The following PINX1 variants were observed in gnomAD, a reference collection of about 807,000 sequenced individuals.
PINX1 encodes PIN2 (TERF1) interacting telomerase inhibitor 1.
A neutral mutation model predicts 25.4 loss-of-function variants in PINX1; 34 were observed. The ratio of observed to expected loss-of-function variants is 1.34; its 90% CI spans 1.02 to 1.78. The LOEUF (loss-of-function observed/expected upper bound fraction) is 1.78. Among genes scored for constraint, PINX1 ranks in the 40% most tolerant of loss-of-function variants. The pLI is 0.00. For missense variants in PINX1, 592 were observed against 404.9 expected, an observed-to-expected ratio of 1.46 and a Z score of -3.97; for synonymous variants, 197 against 147.7, an observed-to-expected ratio of 1.33 and a Z score of -2.42.
chr8:10,797,146 G>A (rs903142423), intron 6 of PINX1, among the ~76,000 whole-genome samples: 3 of 152,108 alleles, frequency 2.0e-5, no homozygotes, highest in Admixed American at 6.5e-5. Flanking sequence ...AGAAGGGCCT[G>A]GTTTTTCAGC....
At chr8:10,794,245 A>C (rs983925159) in intron 6 of PINX1, among the ~76,000 whole-genome samples, 119 of 152,210 alleles carry the variant, frequency 7.8e-4, no homozygotes, top group African/African-American at 2.7e-3. Context: ...AAAATTTTAA[A>C]TTACAATTTT....
At chr8:10,784,530 T>C (rs1041127075) in intron 6 of PINX1, among the ~76,000 whole-genome samples, 1 of 152,240 alleles carries the variant, frequency 6.6e-6, no homozygotes, top group African/African-American at 2.4e-5. Context: ...TGACATGAAA[T>C]GTTCAGATTT....
chr8:10,794,668 G>A (rs371261105), intron 6 of PINX1, among the ~76,000 whole-genome samples: 9 of 152,212 alleles, frequency 5.9e-5, no homozygotes, highest in East Asian at 3.9e-4. Flanking sequence ...CTTGTGATCC[G>A]TCCGATCACG....
At position 10,826,040 on chromosome 8, in the gene PINX1, C is replaced by G. The variant is rs917921256; in HGVS notation, c.394+112G>C. 3 of 617,440 alleles carry G rather than the reference C, an allele frequency of 4.9e-6. No individual in the cohort carries two copies. The African/African-American group carries it at 5.6e-5, about 12-fold the overall frequency. The allele number at this position is 617,440 out of a possible 1,614,324, so 38.2% of individuals were successfully genotyped here. ...CAGCGCTGTTTCACAGCAATGCAGTCGGAGCTGTCCATAAAGCATGAAGTC... is the reference window on the plus strand; with the variant it reads ...CAGCGCTGTTTCACAGCAATGCAGTGGGAGCTGTCCATAAAGCATGAAGTC... On this transcript the variant is annotated intron_variant, in intron 5 of 6. Coordinates refer to ENST00000314787, the MANE Select transcript of PINX1 (RefSeq NM_017884.6).
chr8:10,771,734 A>C (rs1801229264), intron 6 of PINX1, among the ~76,000 whole-genome samples: 1 of 152,192 alleles, frequency 6.6e-6, no homozygotes, highest in Admixed American at 6.5e-5. Context: ...AGGCAGGTCT[A>C]ATGTCCAGAA....
intron 5 of PINX1, among the ~76,000 whole-genome samples, chr8:10,820,622 T>C (rs1200888961): frequency 6.6e-6 from 1 of 152,132 alleles, no homozygotes; most frequent in African/African-American, 2.4e-5. Flanking sequence ...CATTTAAAAA[T>C]AGATCTCATT....
chr8:10,824,008 T>G (rs1797957676), intron 5 of PINX1, among the ~76,000 whole-genome samples: 1 of 152,224 alleles, frequency 6.6e-6, no homozygotes, highest in South Asian at 2.1e-4. Context: ...TGAATCATCC[T>G]CATCAACTAA....
intron 1 of PINX1, among the ~76,000 whole-genome samples, chr8:10,836,426 C>T (rs906660399): frequency 2.6e-5 from 4 of 152,178 alleles, no homozygotes; most frequent in African/African-American, 7.2e-5. Context: ...TGCAAGCTGG[C>T]ATCAGTGTGT....
intron 6 of PINX1, among the ~76,000 whole-genome samples, chr8:10,793,327 GCCCAAATGTTTTCA>G (rs937428059): frequency 6.6e-6 from 1 of 152,110 alleles, no homozygotes; most frequent in African/African-American, 2.4e-5. Context: ...AGCTTAGTTT[GCCCAAATGTTTTCA>G]CCTAGACCAG....
intron 2 of PINX1, 143 bp downstream of exon 2, chr8:10,834,523 G>A (rs1798334581): frequency 8.2e-7 from 1 of 1,220,530 alleles, no homozygotes; most frequent in Admixed American, 2.8e-5. Context: ...TCATCATAAG[G>A]TCACAACAAT....
chr8:10,789,383 C>T (rs1010984197), intron 6 of PINX1, among the ~76,000 whole-genome samples: 3 of 152,212 alleles, frequency 2.0e-5, no homozygotes, highest in Non-Finnish European at 4.4e-5. Context: ...TCCCCACAGT[C>T]AAGCTAATTA....
chr8:10,807,192 G>T (rs1802478263), intron 6 of PINX1, among the ~76,000 whole-genome samples: 1 of 152,070 alleles, frequency 6.6e-6, no homozygotes, highest in South Asian at 2.1e-4. Flanking sequence ...TTGTATCCGT[G>T]AGACAAGAAC....
chr8:10,839,717 G>C, intron 1 of PINX1, 21 bp downstream of exon 1: 1 of 1,599,482 alleles, frequency 6.3e-7, no homozygotes. Context: ...CCTGGGTCGG[G>C]CCTCCGCTTC....
rs1057436047 is a variant in PINX1, at chr8:10,802,391, C to A, written c.471+17802G>T. On this transcript the variant is annotated intron_variant, in intron 6 of 6. Coordinates refer to ENST00000314787, the MANE Select transcript of PINX1 (RefSeq NM_017884.6). ...ACCCCACAGACAAGAACAAGGTTGA[C>A]GTGTATGAAGACAACCTGCACTCTG... Among the ~76,000 whole-genome samples the A allele has an allele frequency of 4.3e-4, 66 of 152,128 alleles. 1 individual carries two copies. The highest frequency in any genetic ancestry group is 3.5e-3 in the Admixed American group (53 of 15,282).
At chr8:10,807,101 G>C (rs1453378647) in intron 6 of PINX1, among the ~76,000 whole-genome samples, 1 of 152,050 alleles carries the variant, frequency 6.6e-6, no homozygotes, top group East Asian at 1.9e-4. Context: ...AAAGAAAAGA[G>C]GAACTCAGAG....
At chr8:10,805,578 G>A (rs1351659016) in intron 6 of PINX1, among the ~76,000 whole-genome samples, 2 of 137,152 alleles carry the variant, frequency 1.5e-5, no homozygotes, top group South Asian at 4.6e-4. Flanking sequence ...AGTGCTGAGG[G>A]GGTGACAGAG....
Position 10,765,393 on chromosome 8 carries a change from G to C in PINX1, c.*8C>G. ...CTGAGTGGTCGGAAGGCCCCGGCTGGGAAGGATTCATTTGGAATCTTTCTT... is the reference window on the plus strand; with the variant it reads ...CTGAGTGGTCGGAAGGCCCCGGCTGCGAAGGATTCATTTGGAATCTTTCTT... On this transcript the variant is annotated 3_prime_UTR_variant, in exon 7 of 7. Coordinates refer to ENST00000314787, the MANE Select transcript of PINX1 (RefSeq NM_017884.6). The C allele has an allele frequency of 6.3e-7, 1 of 1,586,962 alleles. No homozygotes were observed. The highest frequency in any genetic ancestry group is 8.5e-7 in the Non-Finnish European group (1 of 1,170,452).
intron 6 of PINX1, among the ~76,000 whole-genome samples, chr8:10,783,930 C>A (rs954023912): frequency 2.6e-5 from 4 of 152,152 alleles, no homozygotes; most frequent in African/African-American, 9.7e-5. Context: ...GTTTATGAAT[C>A]ACTTGTAACT....
At chr8:10,787,613 G>A (rs1371516077) in intron 6 of PINX1, 2 of 314,996 alleles carry the variant, frequency 6.3e-6, no homozygotes, top group African/African-American at 2.2e-5. Flanking sequence ...GTGATGGCAA[G>A]AACCATTTAC....
Sources: allele counts gnomAD v4.1 joint callset (sites outside exome capture counted in the v4.1 genomes callset), GRCh38; gene constraint gnomAD v4.1.1; transcripts MANE v1.5; gene names NCBI Gene and HGNC (gene_info 2026-07-23, HGNC 2026-07-21).